The following ZC3H12B variants were observed in gnomAD, a reference collection of about 807,000 sequenced individuals.
ZC3H12B encodes the protein probable ribonuclease ZC3H12B.
ZC3H12B carries 7 observed loss-of-function variants against 43.9 expected under a neutral mutation model. The ratio of observed to expected loss-of-function variants is 0.16; its 90% CI spans 0.09 to 0.30. The LOEUF is 0.30. Among genes scored for constraint, ZC3H12B ranks in the 10% least tolerant of loss-of-function variants. The pLI is 1.00. For missense variants in ZC3H12B, 475 were observed against 670.2 expected, an observed-to-expected ratio of 0.71 and a Z score of 3.22; for synonymous variants, 222 against 241.7, an observed-to-expected ratio of 0.92 and a Z score of 0.76.
At chrX:65,152,775 G>T in the ZC3H12B span, among the ~76,000 whole-genome samples, 2 of 111,710 alleles carry the variant, frequency 1.8e-5, no homozygotes, top group African/African-American at 3.3e-5. Flanking sequence ...GCATTGCCAA[G>T]TCAATCCTAA....
At chrX:65,099,951 G>A in the ZC3H12B span, among the ~76,000 whole-genome samples, 1 of 111,930 alleles carries the variant, frequency 8.9e-6, no homozygotes, top group African/African-American at 3.2e-5. Flanking sequence ...AAAGGAGGAT[G>A]TTCTAACCCA....
the ZC3H12B span, among the ~76,000 whole-genome samples, chrX:65,221,697 TA>T: frequency 3.8e-4 from 41 of 108,689 alleles, no homozygotes; most frequent in African/African-American, 9.7e-4. Context: ...AAATTTTAAT[TA>T]AAAAAAAATT....
At chrX:65,386,323 A>C (rs943721455) in intron 2 of ZC3H12B, among the ~76,000 whole-genome samples, 5 of 110,991 alleles carry the variant, frequency 4.5e-5, no homozygotes, top group African/African-American at 1.6e-4. Flanking sequence ...TCATTTTCAG[A>C]TCCTGTTATT....
the ZC3H12B span, among the ~76,000 whole-genome samples, chrX:65,356,584 A>T: frequency 1.8e-5 from 2 of 112,310 alleles, no homozygotes; most frequent in Non-Finnish European, 3.8e-5. Flanking sequence ...CCATAATGTA[A>T]AATAATTTAA....
chrX:65,361,358 T>G, the ZC3H12B span, among the ~76,000 whole-genome samples: 1 of 112,176 alleles, frequency 8.9e-6, no homozygotes, highest in African/African-American at 3.2e-5. Flanking sequence ...TTGAATTATA[T>G]TTTTTGGGTT....
At chrX:65,227,342 A>G in the ZC3H12B span, among the ~76,000 whole-genome samples, 1 of 111,867 alleles carries the variant, frequency 8.9e-6, no homozygotes, top group Admixed American at 9.5e-5. Context: ...AATGACAACA[A>G]AGACACAACA....
the ZC3H12B span, among the ~76,000 whole-genome samples, chrX:65,216,090 A>G: frequency 9.0e-6 from 1 of 111,526 alleles, no homozygotes; most frequent in Non-Finnish European, 1.9e-5. Context: ...AAAATCCTCC[A>G]GCCGTTGTCT....
At chrX:65,054,437 C>T in the ZC3H12B span, among the ~76,000 whole-genome samples, 1 of 110,833 alleles carries the variant, frequency 9.0e-6, no homozygotes, top group African/African-American at 3.3e-5. Context: ...GGCATTATTT[C>T]TGAGGGCTCT....
intron 3 of ZC3H12B, among the ~76,000 whole-genome samples, chrX:65,416,099 A>G (rs1009822818): frequency 6.3e-5 from 7 of 111,990 alleles, no homozygotes; most frequent in Non-Finnish European, 1.3e-4. Context: ...TTGGGGTTCA[A>G]TATTAATTAA....
the ZC3H12B span, among the ~76,000 whole-genome samples, chrX:65,274,556 G>A: frequency 9.1e-6 from 1 of 109,484 alleles, no homozygotes; most frequent in African/African-American, 3.3e-5. Flanking sequence ...ATCAAGAGCT[G>A]CAGTCCCACA....
the ZC3H12B span, among the ~76,000 whole-genome samples, chrX:65,174,295 TG>T: frequency 9.0e-6 from 1 of 111,230 alleles, no homozygotes; most frequent in Non-Finnish European, 1.9e-5. Context: ...GAATACTCCT[TG>T]TTTTTCAAAA....
At chrX:65,448,926 G>T (rs1282303220) in intron 3 of ZC3H12B, among the ~76,000 whole-genome samples, 2 of 7,052 alleles carry the variant, frequency 2.8e-4, no homozygotes, top group Non-Finnish European at 6.0e-4. Flanking sequence ...AGGAAGGAAG[G>T]AAAGAGAAGG....
rs184922209 is a variant in ZC3H12B at position 65,426,341 on chromosome X, T to C, written n.407+27637T>C. The stretch of plus-strand genomic sequence containing the variant: ...ATTTCTGTTTATTTGATTCTTCTCT[T>C]TTCTTCTTTATTATTCTGGTTAGCA... On this transcript the variant is annotated intron_variant and non_coding_transcript_variant, in intron 3 of 5. Coordinates refer to the ZC3H12B transcript ENST00000617377. Among the ~76,000 whole-genome samples, 17 of 105,423 alleles carry C rather than the reference T, an allele frequency of 1.6e-4. No homozygotes were observed. In the East Asian group the frequency reaches 5.0e-3, roughly 31 times the overall value. 91.5% of individuals were successfully genotyped at this position (105,423 alleles called of 115,157 possible).
At chrX:65,158,178 G>T in the ZC3H12B span, among the ~76,000 whole-genome samples, 2 of 109,151 alleles carry the variant, frequency 1.8e-5, no homozygotes, top group African/African-American at 6.6e-5. Context: ...ATCATTGTTG[G>T]ACATTTCGGT....
chrX:65,139,939 A>G, the ZC3H12B span, among the ~76,000 whole-genome samples: 4 of 110,667 alleles, frequency 3.6e-5, no homozygotes, highest in South Asian at 1.1e-3. Flanking sequence ...TTTATTTTGT[A>G]TCCTGCAAAT....
the ZC3H12B span, among the ~76,000 whole-genome samples, chrX:65,160,292 G>A: frequency 8.9e-6 from 1 of 111,776 alleles, no homozygotes; most frequent in African/African-American, 3.3e-5. Flanking sequence ...GAGTTAGGGA[G>A]GATTCCTTCT....
the ZC3H12B span, among the ~76,000 whole-genome samples, chrX:65,121,350 G>A: frequency 2.2e-3 from 250 of 111,446 alleles, 1 homozygote; most frequent in African/African-American, 7.8e-3. Flanking sequence ...TCTATTCAGA[G>A]AATCAGCTTC....
the ZC3H12B span, among the ~76,000 whole-genome samples, chrX:65,349,049 C>G: frequency 1.8e-5 from 2 of 111,835 alleles, no homozygotes; most frequent in Admixed American, 9.5e-5. Context: ...CTCTCCACCC[C>G]AAATCAACAG....
chrX:65,180,788 T>A, the ZC3H12B span, among the ~76,000 whole-genome samples: 1 of 107,586 alleles, frequency 9.3e-6, no homozygotes, highest in Non-Finnish European at 2.0e-5. Flanking sequence ...TGAAAAAAAA[T>A]TTAGGAAGAA....
Sources: gnomAD v4.1 joint callset for allele counts (sites outside exome capture counted in the v4.1 genomes callset) on GRCh38, gnomAD v4.1.1 for gene constraint, MANE v1.5 for transcripts, NCBI Gene and HGNC (gene_info 2026-07-23, HGNC 2026-07-21) for gene names.